The following ANTXR2 variants were observed in gnomAD, a reference collection of about 807,000 sequenced individuals.
ANTXR2 encodes the protein ANTXR cell adhesion molecule 2, also known as anthrax toxin receptor 2.
In ANTXR2, 44 loss-of-function variants were observed where a neutral mutation model predicts 73.7. That is an observed-to-expected ratio of 0.60 (90% confidence interval 0.47 to 0.77). The LOEUF (loss-of-function observed/expected upper bound fraction) is 0.77. Ranked by LOEUF, ANTXR2 falls within the 30% of genes least tolerant of loss-of-function variation. ANTXR2 has a pLI of 0.00. For synonymous variants in ANTXR2, 217 were observed against 205.9 expected (o/e 1.05, Z -0.46); for missense variants, 604 against 592.5 (o/e 1.02, Z -0.20).
chr4:80,045,130 TA>T (rs773155596), intron 7 of ANTXR2, among the ~76,000 whole-genome samples: 3 of 151,540 alleles, frequency 2.0e-5, no homozygotes, highest in Non-Finnish European at 4.4e-5. Context: ...GATGCAAAAC[TA>T]AACAAAAACA....
At chr4:79,910,854 GA>G (rs1262041027) in intron 16 of ANTXR2, among the ~76,000 whole-genome samples, 1 of 152,094 alleles carries the variant, frequency 6.6e-6, no homozygotes, top group Non-Finnish European at 1.5e-5. Context: ...GAAAAGGTAA[GA>G]AAGAAGAATC....
rs760122322 is a variant in ANTXR2, at chr4:79,907,402, T to C, written c.*27A>G. ...GCTATGTGAAAATGTGCCATCTTCG[T>C]ACCTTCTTGGTCTTCCTGCTTCCCT... On this transcript the variant is annotated 3_prime_UTR_variant, in exon 17 of 17. Transcript: ENST00000403729. 8.7e-6 allele frequency: 14 copies of C among 1,609,034 alleles called. No individual in the cohort carries two copies. The Admixed American group carries it at 1.2e-4, about 13-fold the overall frequency.
intron 6 of ANTXR2, 47 bp from the exon 7 acceptor site, chr4:80,054,399 C>A: frequency 7.6e-7 from 1 of 1,321,398 alleles, no homozygotes; most frequent in Non-Finnish European, 1.1e-6. Context: ...CTGACACATA[C>A]AACAATTTAT....
At chr4:79,935,358 G>A (rs1189779562) in intron 16 of ANTXR2, among the ~76,000 whole-genome samples, 1 of 116,720 alleles carries the variant, frequency 8.6e-6, no homozygotes, top group African/African-American at 3.3e-5. Context: ...GTTATAATTT[G>A]CTCAACTATA....
chr4:79,961,917 C>A (rs1268801047), intron 16 of ANTXR2, among the ~76,000 whole-genome samples: 4 of 151,942 alleles, frequency 2.6e-5, no homozygotes, highest in Non-Finnish European at 4.4e-5. Context: ...GAAATTAATA[C>A]AGAAAATGTA....
chr4:79,985,838 CTTT>C (rs572381265), intron 12 of ANTXR2, among the ~76,000 whole-genome samples: 168 of 111,646 alleles, frequency 1.5e-3, no homozygotes, highest in Admixed American at 2.6e-3. Context: ...ACAGTTAATT[CTTT>C]TTTTTTTTTT....
intron 10 of ANTXR2, among the ~76,000 whole-genome samples, chr4:80,021,883 G>A (rs185147497): frequency 4.5e-4 from 69 of 152,218 alleles, no homozygotes; most frequent in Middle Eastern, 3.4e-3. Flanking sequence ...TAGTAGCAGC[G>A]TGATCAAAAT....
At chr4:79,996,797 T>G (rs1730751178) in intron 12 of ANTXR2, among the ~76,000 whole-genome samples, 1 of 152,022 alleles carries the variant, frequency 6.6e-6, no homozygotes, top group Non-Finnish European at 1.5e-5. Flanking sequence ...CAGAAAAGAA[T>G]GTATTCATAT....
intron 16 of ANTXR2, among the ~76,000 whole-genome samples, chr4:79,926,986 T>G (rs1727831141): frequency 8.3e-6 from 1 of 120,106 alleles, no homozygotes; most frequent in African/African-American, 4.1e-5. Flanking sequence ...TACGTGTGCA[T>G]ATATGTGTAT....
intron 16 of ANTXR2, among the ~76,000 whole-genome samples, chr4:79,966,771 T>C (rs1729381820): frequency 6.6e-6 from 1 of 152,222 alleles, no homozygotes; most frequent in African/African-American, 2.4e-5. Context: ...GTTTACATTA[T>C]TTTAGAGACT....
intron 13 of ANTXR2, 30 bp from the exon 14 acceptor site, chr4:79,984,000 TA>T (rs753942390): frequency 6.9e-7 from 1 of 1,445,176 alleles, no homozygotes; most frequent in Non-Finnish European, 9.4e-7. Flanking sequence ...AAATAGTTTT[TA>T]ATTAATTTCT....
At position 79,904,933 on chromosome 4, in the gene ANTXR2, C is replaced by A. The variant is rs1468799815; in HGVS notation, c.*2496G>T. 1 of 152,058 alleles carries A rather than the reference C, an allele frequency of 6.6e-6. No homozygotes were observed. Among genetic ancestry groups the A allele is most frequent in the Non-Finnish European group, 1.5e-5 (1 of 67,994 alleles). The allele number at this position is 152,058 out of a possible 1,614,324, so 9.4% of individuals were successfully genotyped here. ...AAAATAACACTCTTCAAAACAAATT[C>A]TTTTCAACTGCTAGTTAGTATAATT... is the stretch of plus-strand genomic sequence containing the variant. On this transcript the variant is annotated 3_prime_UTR_variant, in exon 17 of 17. Transcript: ENST00000403729.
intron 16 of ANTXR2, among the ~76,000 whole-genome samples, chr4:79,915,858 CTCTCTA>C (rs1366085844): frequency 0.019 from 2,289 of 117,544 alleles, 61 homozygotes; most frequent in African/African-American, 0.063. Flanking sequence ...CTCTCTCTCT[CTCTCTA>C]TATATATATA....
In ANTXR2 at chr4:79,902,151, ATGT is replaced by A. The variant is rs1726731003; in HGVS notation, c.*5275_*5277del. ...TTTGGATCACCCACTGACATTTACA[ATGT>A]TGTAAATATAATTCATCTAAGATAC... On this transcript the variant is annotated 3_prime_UTR_variant, in exon 17 of 17. Coordinates refer to ENST00000403729, the MANE Select transcript of ANTXR2 (RefSeq NM_058172.6). The A allele has an allele frequency of 6.6e-6, 1 of 152,298 alleles. No individual in the cohort carries two copies. The highest frequency in any genetic ancestry group is 6.5e-5 in the Admixed American group (1 of 15,290). 9.4% of individuals were successfully genotyped at this position (152,298 alleles called of 1,614,324 possible).
At chr4:79,999,087 GC>G (rs1399939815) in intron 12 of ANTXR2, among the ~76,000 whole-genome samples, 1 of 151,998 alleles carries the variant, frequency 6.6e-6, no homozygotes, top group Admixed American at 6.6e-5. Flanking sequence ...CTTATTAAAA[GC>G]ATCTTGGCTG....
At chr4:79,985,843 T>C (rs1730124526) in intron 12 of ANTXR2, among the ~76,000 whole-genome samples, 1 of 148,492 alleles carries the variant, frequency 6.7e-6, no homozygotes. Context: ...TAATTCTTTT[T>C]TTTTTTTTTT....
intron 16 of ANTXR2, among the ~76,000 whole-genome samples, chr4:79,931,060 C>T (rs1054388800): frequency 6.6e-6 from 1 of 152,126 alleles, no homozygotes; most frequent in Non-Finnish European, 1.5e-5. Flanking sequence ...ATCTACATTT[C>T]AGCCCATTTA....
intron 12 of ANTXR2, among the ~76,000 whole-genome samples, chr4:80,001,678 GAGTCTA>G (rs1192154611): frequency 2.7e-5 from 4 of 150,674 alleles, no homozygotes; most frequent in Non-Finnish European, 5.9e-5. Flanking sequence ...TATTGTGTGG[GAGTCTA>G]AGTCTCTTTG....
At chr4:80,023,122 C>A (rs929547555) in intron 10 of ANTXR2, among the ~76,000 whole-genome samples, 1 of 152,116 alleles carries the variant, frequency 6.6e-6, no homozygotes, top group Non-Finnish European at 1.5e-5. Flanking sequence ...TTATGTAATA[C>A]CTTTTGTTTA....
Sources: allele counts gnomAD v4.1 joint callset (sites outside exome capture counted in the v4.1 genomes callset), GRCh38; gene constraint gnomAD v4.1.1; transcripts MANE v1.5; gene names NCBI Gene and HGNC (gene_info 2026-07-23, HGNC 2026-07-21).